The following PSPC1 variants were observed in gnomAD, a reference collection of about 807,000 sequenced individuals.
PSPC1 encodes paraspeckle protein 1.
In PSPC1, 14 loss-of-function variants were observed where a neutral mutation model predicts 51.6. The ratio of observed to expected loss-of-function variants is 0.27; its 90% CI spans 0.18 to 0.42. The LOEUF is 0.42. Ranked by LOEUF, PSPC1 falls within the 10% of genes least tolerant of loss-of-function variation. PSPC1 has a pLI of 1.00. For synonymous variants in PSPC1, 193 were observed against 231.9 expected, an observed-to-expected ratio of 0.83 and a Z score of 1.53; for missense variants, 406 against 701.1, an observed-to-expected ratio of 0.58 and a Z score of 4.75.
intron 1 of PSPC1, among the ~76,000 whole-genome samples, chr13:19,780,035 A>G (rs1465259743): frequency 1.5e-5 from 2 of 137,824 alleles, no homozygotes; most frequent in South Asian, 4.7e-4. Context: ...CTGCCCGGCC[A>G]GCCGCCCCGT....
At chr13:19,770,144 A>C (rs1251916021) in intron 2 of PSPC1, among the ~76,000 whole-genome samples, 1 of 152,226 alleles carries the variant, frequency 6.6e-6, no homozygotes, top group African/African-American at 2.4e-5. Context: ...TCTCATAAAC[A>C]TATGCTGAGC....
chr13:19,695,929 T>G (rs904211306), intron 6 of PSPC1, among the ~76,000 whole-genome samples: 2 of 152,116 alleles, frequency 1.3e-5, no homozygotes, highest in Non-Finnish European at 2.9e-5. Context: ...TTACTCTCAT[T>G]AGGCTGCCTG....
At chr13:19,716,296 CTT>C (rs1265764868) in intron 6 of PSPC1, among the ~76,000 whole-genome samples, 3 of 152,140 alleles carry the variant, frequency 2.0e-5, no homozygotes, top group Admixed American at 6.6e-5. Context: ...AAAGGAATGA[CTT>C]AACACAGTAC....
chr13:19,735,635 A>G (rs1395426956), intron 5 of PSPC1, among the ~76,000 whole-genome samples: 2 of 152,188 alleles, frequency 1.3e-5, no homozygotes, highest in African/African-American at 4.8e-5. Flanking sequence ...GTAAAGCACA[A>G]AGGCAGAATT....
chr13:19,693,452 GTCAT>G (rs1381858061), intron 6 of PSPC1, among the ~76,000 whole-genome samples: 3 of 152,236 alleles, frequency 2.0e-5, no homozygotes, highest in Middle Eastern at 3.4e-3. Flanking sequence ...TACAGTTGGT[GTCAT>G]TCATTCACCA....
chr13:19,705,923 C>A (rs1880595932), intron 7 of PSPC1, 92 bp from the exon 8 acceptor site: 11 of 1,139,906 alleles, frequency 9.6e-6, no homozygotes, highest in Non-Finnish European at 1.2e-6. Context: ...TATACCAAGA[C>A]CATTATCAAA....
chr13:19,720,201 A>G (rs978818438), intron 6 of PSPC1, among the ~76,000 whole-genome samples: 2 of 152,206 alleles, frequency 1.3e-5, no homozygotes, highest in African/African-American at 2.4e-5. Context: ...AAATCTTACC[A>G]AAGTTCACAT....
In PSPC1 at chr13:19,741,690, T is replaced by C. The variant is rs760939075; in HGVS notation, c.968-41A>G. On this transcript the variant is annotated intron_variant, in intron 4 of 8. Transcript: ENST00000338910. Reference sequence around the variant, plus strand: ...TGCACATTAATATTTTTAGTTTCCCTTTCCATATTTTTATACCAATAAGCA... The same window carrying C: ...TGCACATTAATATTTTTAGTTTCCCCTTCCATATTTTTATACCAATAAGCA... The C allele has an allele frequency of 1.2e-5, 16 of 1,323,986 alleles. No individual in the cohort carries two copies. The South Asian group carries it at 1.4e-4, about 12-fold the overall frequency. 82.0% of individuals were successfully genotyped at this position (1,323,986 alleles called of 1,614,324 possible).
intron 4 of PSPC1, among the ~76,000 whole-genome samples, chr13:19,745,248 G>C (rs1167124971): frequency 1.3e-5 from 2 of 152,192 alleles, no homozygotes; most frequent in Admixed American, 6.5e-5. Context: ...GAACCTGGGA[G>C]GCACAGGTTG....
chr13:19,737,644 C>T (rs1046698387), intron 5 of PSPC1, among the ~76,000 whole-genome samples: 2 of 152,124 alleles, frequency 1.3e-5, no homozygotes, highest in Non-Finnish European at 2.9e-5. Flanking sequence ...TGAGACTATG[C>T]AAAAACCCTG....
At chr13:19,706,152 C>A (rs1241385561) in intron 7 of PSPC1, among the ~76,000 whole-genome samples, 1 of 152,140 alleles carries the variant, frequency 6.6e-6, no homozygotes, top group Non-Finnish European at 1.5e-5. Flanking sequence ...GAATCCCTAA[C>A]AATGGGGACT....
At chr13:19,709,635 G>C in intron 6 of PSPC1, 36 bp from the exon 7 acceptor site, 4 of 1,384,842 alleles carry the variant, frequency 2.9e-6, no homozygotes, top group Non-Finnish European at 4.0e-6. Context: ...TCAACCTATC[G>C]ATCTTATGAC....
rs1888716840 is a variant in PSPC1 at position 19,772,536 on chromosome 13, C to G, written c.380G>C (p.Arg127Thr). Residue 127 changes from arginine to threonine, a missense_variant, in exon 2 of 9, where the codon AGA (arginine) becomes ACA (threonine). Around this residue, in one of 5 missense-constraint regions of PSPC1, gnomAD observed 180 missense variants for 337.9 expected, o/e 0.53. Transcript: ENST00000338910. ...TGCTTTTGCAATTTCAGCCAGGGTTCTGGATTCCTTTTTAGGAAGAAAAAA... is the reference window on the plus strand; with the variant it reads ...TGCTTTTGCAATTTCAGCCAGGGTTGTGGATTCCTTTTTAGGAAGAAAAAA... ...RGFGFIRLES[R>T]TLAEIAKAEL... 6.3e-7 allele frequency: 1 copy of G among 1,580,922 alleles called. No individual in the cohort carries two copies. Among genetic ancestry groups the G allele is most frequent in the Non-Finnish European group, 8.6e-7 (1 of 1,164,550 alleles).
chr13:19,702,243 C>T (rs1880001580), downstream of PSPC1, among the ~76,000 whole-genome samples: 2 of 152,192 alleles, frequency 1.3e-5, no homozygotes, highest in South Asian at 4.1e-4. Flanking sequence ...ATATTTACAA[C>T]ACTGCAGAGT....
intron 1 of PSPC1, among the ~76,000 whole-genome samples, chr13:19,773,022 C>T (rs549979271): frequency 6.5e-4 from 98 of 151,804 alleles, no homozygotes; most frequent in Non-Finnish European, 1.2e-3. Flanking sequence ...ATTAGCTGGG[C>T]GTGGTGGCGG....
chr13:19,681,068 A>C (rs1877215405), intron 6 of PSPC1, among the ~76,000 whole-genome samples: 1 of 152,196 alleles, frequency 6.6e-6, no homozygotes. Context: ...TGTAAAAATT[A>C]GCTGAGTGCG....
chr13:19,768,570 C>T lies in PSPC1; in HGVS notation c.674+3672G>A, dbSNP rs1593760560. On this transcript the variant is annotated intron_variant, in intron 2 of 8. Transcript: ENST00000338910. Reference sequence around the variant, plus strand: ...GGTTGAGGCAGGAGAATGGCGTGAACCCGGGAGGCAGAGCTTGCAGTGAGC... The same window carrying T: ...GGTTGAGGCAGGAGAATGGCGTGAATCCGGGAGGCAGAGCTTGCAGTGAGC... Among the ~76,000 whole-genome samples the T allele has an allele frequency of 2.0e-5, 3 of 150,618 alleles. No individual in the cohort carries two copies. In the East Asian group the frequency reaches 5.8e-4, roughly 29 times the overall value.
chr13:19,690,748 T>A (rs1878447059), intron 6 of PSPC1, among the ~76,000 whole-genome samples: 1 of 152,288 alleles, frequency 6.6e-6, no homozygotes, highest in Admixed American at 6.5e-5. Context: ...CATTCCACTC[T>A]CTGGTCCCAC....
intron 6 of PSPC1, among the ~76,000 whole-genome samples, chr13:19,693,430 CTG>C (rs1878801122): frequency 6.6e-6 from 1 of 152,154 alleles, no homozygotes; most frequent in Non-Finnish European, 1.5e-5. Context: ...TTTGTAAACA[CTG>C]TGTCTGTTCT....
Sources: gnomAD v4.1 joint callset for allele counts (sites outside exome capture counted in the v4.1 genomes callset) on GRCh38, gnomAD v4.1.1 for gene constraint, gnomAD v4.1.1 regional missense constraint, MANE v1.5 for transcripts, NCBI Gene and HGNC (gene_info 2026-07-23, HGNC 2026-07-21) for gene names.